TENM1: variants seen among roughly 807,000 people sequenced by gnomAD.
TENM1 encodes teneurin-1.
Under a neutral mutation model 174.8 loss-of-function variants are expected in TENM1, and 35 were observed. The ratio of observed to expected loss-of-function variants is 0.20; its 90% confidence interval spans 0.15 to 0.27. The LOEUF is 0.27. TENM1 is among the 10% of genes least tolerant of loss of function. The pLI is 1.00. For synonymous variants in TENM1, 781 were observed against 798.7 expected (o/e 0.98, Z 0.37); for missense variants, 1,633 against 2,130.1 (o/e 0.77, Z 4.59).
intron 18 of TENM1, among the ~76,000 whole-genome samples, chrX:124,505,177 G>A (rs1025312608): frequency 1.3e-4 from 15 of 112,306 alleles, no homozygotes; most frequent in East Asian, 2.8e-4. Flanking sequence ...CTGTATTTCC[G>A]TTTTCATTTC....
At chrX:124,682,154 C>T (rs1324924055) in intron 5 of TENM1, among the ~76,000 whole-genome samples, 1 of 111,663 alleles carries the variant, frequency 9.0e-6, no homozygotes, top group African/African-American at 3.3e-5. Flanking sequence ...TCCCCATCAA[C>T]ATCCCCCAAA....
At chrX:124,595,126 T>A in intron 11 of TENM1, among the ~76,000 whole-genome samples, 1 of 112,335 alleles carries the variant, frequency 8.9e-6, no homozygotes, top group East Asian at 2.8e-4. Flanking sequence ...CTTGGGAAGT[T>A]TCTTTGCAGA....
intron 11 of TENM1, among the ~76,000 whole-genome samples, chrX:124,625,495 A>G (rs1258829931): frequency 9.0e-6 from 1 of 111,491 alleles, no homozygotes; most frequent in Non-Finnish European, 1.9e-5. Flanking sequence ...GTTCGCATGA[A>G]AAAACAAAAT....
intron 15 of TENM1, among the ~76,000 whole-genome samples, chrX:124,538,043 AG>A (rs2048241602): frequency 1.8e-5 from 2 of 112,146 alleles, no homozygotes; most frequent in Admixed American, 1.9e-4. Context: ...GCATTTGCAA[AG>A]AAGTGAAAGT....
chrX:124,573,070 T>C (rs2049090949), intron 11 of TENM1, among the ~76,000 whole-genome samples: 1 of 111,327 alleles, frequency 9.0e-6, no homozygotes, highest in Non-Finnish European at 1.9e-5. Flanking sequence ...CTATTAATAC[T>C]AGGGGGTGTG....
At chrX:124,412,019 T>C (rs2060542618) in intron 25 of TENM1, 3 of 112,526 alleles carry the variant, frequency 2.7e-5, no homozygotes, top group Non-Finnish European at 5.6e-5. Flanking sequence ...CTAACCAGGC[T>C]GCAAATTATA....
intron 11 of TENM1, among the ~76,000 whole-genome samples, chrX:124,588,548 G>A (rs1236362404): frequency 9.3e-6 from 1 of 108,077 alleles, no homozygotes; most frequent in Non-Finnish European, 1.9e-5. Context: ...GTTGTGGGGT[G>A]GGGGGAGTGG....
At chrX:124,834,917 T>C (rs1263768168) in intron 3 of TENM1, among the ~76,000 whole-genome samples, 1 of 112,115 alleles carries the variant, frequency 8.9e-6, no homozygotes, top group Non-Finnish European at 1.9e-5. Flanking sequence ...AGATTTAGCT[T>C]GCTGAAATGC....
intron 3 of TENM1, among the ~76,000 whole-genome samples, chrX:124,791,874 G>A (rs976860890): frequency 8.1e-5 from 9 of 111,311 alleles, no homozygotes; most frequent in Non-Finnish European, 1.7e-4. Flanking sequence ...GTGTGTGTGT[G>A]TGCATGTGTG....
intron 3 of TENM1, among the ~76,000 whole-genome samples, chrX:124,834,948 T>C (rs1354131930): frequency 2.7e-5 from 3 of 112,178 alleles, no homozygotes; most frequent in East Asian, 2.8e-4. Context: ...ATGTCACTTA[T>C]ATGCTCCCCA....
intron 22 of TENM1, among the ~76,000 whole-genome samples, chrX:124,463,085 C>A (rs769155014): frequency 8.9e-6 from 1 of 111,999 alleles, no homozygotes; most frequent in African/African-American, 3.2e-5. Flanking sequence ...GCTCCCCCCA[C>A]CACACACACA....
the TENM1 span, among the ~76,000 whole-genome samples, chrX:125,152,300 T>C: frequency 6.4e-5 from 7 of 109,291 alleles, no homozygotes; most frequent in Non-Finnish European, 1.3e-4. Flanking sequence ...TGTGTATGTA[T>C]GTGAATGTAT....
intron 25 of TENM1, among the ~76,000 whole-genome samples, chrX:124,409,104 A>G (rs1427294113): frequency 9.1e-6 from 1 of 109,649 alleles, no homozygotes; most frequent in Non-Finnish European, 1.9e-5. Context: ...AGTCTTTGCT[A>G]TTGTGAATAG....
At chrX:125,003,591 T>G in the TENM1 span, among the ~76,000 whole-genome samples, 1 of 111,457 alleles carries the variant, frequency 9.0e-6, no homozygotes, top group Non-Finnish European at 1.9e-5. Flanking sequence ...GCTTTATAAC[T>G]TTTAGAAGCC....
the TENM1 span, among the ~76,000 whole-genome samples, chrX:125,153,017 GA>G: frequency 0.3 from 33,499 of 110,767 alleles, 5,646 homozygotes; most frequent in African/African-American, 0.63. Context: ...GAACTCAAGA[GA>G]AGCTTGAGGT....
At chrX:124,966,705 C>G (rs2058732540), upstream of TENM1, among the ~76,000 whole-genome samples, 1 of 110,035 alleles carries the variant, frequency 9.1e-6, no homozygotes, top group Non-Finnish European at 1.9e-5. Flanking sequence ...CGTCTTTCTT[C>G]TTGTCTTTCA....
the TENM1 span, among the ~76,000 whole-genome samples, chrX:125,114,826 T>C: frequency 1.3e-4 from 14 of 111,553 alleles, no homozygotes; most frequent in Non-Finnish European, 1.9e-4. Flanking sequence ...GAGGAGATGG[T>C]ACCATTCCTT....
intron 22 of TENM1, among the ~76,000 whole-genome samples, chrX:124,458,197 C>T (rs940785707): frequency 2.7e-5 from 3 of 112,119 alleles, no homozygotes; most frequent in Non-Finnish European, 5.6e-5. Flanking sequence ...TATATGGAAA[C>T]TCTACTAGGC....
chrX:124,925,392 C>T (rs1258468102), intron 1 of TENM1, among the ~76,000 whole-genome samples: 1 of 111,258 alleles, frequency 9.0e-6, no homozygotes, highest in Non-Finnish European at 1.9e-5. Flanking sequence ...CATGATTCCA[C>T]ATTGGCAGAA....
Sources: allele counts gnomAD v4.1 joint callset (sites outside exome capture counted in the v4.1 genomes callset), GRCh38; gene constraint gnomAD v4.1.1; transcripts MANE v1.5; gene names NCBI Gene and HGNC (gene_info 2026-07-23, HGNC 2026-07-21).